EMILIN1: variants seen among roughly 807,000 people sequenced by gnomAD.
EMILIN1 encodes elastin microfibril interfacer 1, also known as EMILIN-1.
Under a neutral mutation model 82.4 loss-of-function variants are expected in EMILIN1, and 49 were observed. The observed-to-expected ratio is 0.59, with a 90% CI of 0.47 to 0.75. EMILIN1 has a LOEUF of 0.75. Among genes scored for constraint, EMILIN1 ranks in the 30% least tolerant of loss-of-function variants. The pLI is 0.00. For missense variants in EMILIN1, 1,313 were observed against 1,366.4 expected (o/e 0.96, Z 0.62); for synonymous variants, 604 against 602.2 (o/e 1.00, Z -0.04).
intron 4 of EMILIN1, 107 bp downstream of exon 4, chr2:27,084,118 C>G (rs1397125747): frequency 1.6e-6 from 2 of 1,225,974 alleles, no homozygotes; most frequent in Non-Finnish European, 2.2e-6. Flanking sequence ...CTTTTCCCAA[C>G]ATGAATTGCA....
In EMILIN1 at chr2:27,082,839, A is replaced by T. The variant is rs777280595; in HGVS notation, c.1268A>T (p.Glu423Val). The change falls in exon 4 of 8, where the codon GAG becomes GTG. Residue 423 changes from glutamate to valine, a missense_variant. Transcript: ENST00000380320. ...AACTCCACCCTGGGCCCTTCGGAGG[A>T]GCAGGAGGAGAGCTGGCCTGGGGCT... ...RFNSTLGPSE[E>V]QEESWPGAPG... 1 of 1,575,110 alleles carries T rather than the reference A, an allele frequency of 6.3e-7. No homozygotes were observed. Among genetic ancestry groups the T allele is most frequent in the Admixed American group, 1.8e-5 (1 of 54,952 alleles).
At chr2:27,085,420 C>T in intron 7 of EMILIN1, 123 bp downstream of exon 7, 1 of 1,241,446 alleles carries the variant, frequency 8.1e-7, no homozygotes, top group Non-Finnish European at 1.1e-6. Flanking sequence ...GAGACCCCGG[C>T]TCTTTCTTCA....
intron 3 of EMILIN1, 71 bp downstream of exon 3, chr2:27,081,023 C>A (rs993774566): frequency 4.8e-6 from 6 of 1,239,644 alleles, no homozygotes; most frequent in African/African-American, 4.5e-5. Context: ...AATGTGGGGC[C>A]AGGCTGCTGG....
Position 27,082,733 on chromosome 2 carries a change from G to T in EMILIN1, c.1162G>T (p.Gly388Ter). Residue 388 changes from glycine to a stop codon, truncating the protein, a stop_gained, in exon 4 of 8, where the codon GGA becomes TGA. Transcript: ENST00000380320. LOFTEE classifies it high-confidence loss of function. ...VLSGRRGTEL[G>*]GAAGQGGHPP... Reference sequence around the variant, plus strand: ...GAGTGGGCGGCGAGGCACAGAGCTGGGAGGAGCCGCGGGGCAGGGAGGCCA... The same window carrying T: ...GAGTGGGCGGCGAGGCACAGAGCTGTGAGGAGCCGCGGGGCAGGGAGGCCA... 1 of 1,546,206 alleles carries T rather than the reference G, an allele frequency of 6.5e-7. No individual in the cohort carries two copies. The highest frequency in any genetic ancestry group is 2.4e-5 in the East Asian group (1 of 41,750).
Position 27,086,166 on chromosome 2 carries a change from C to T in EMILIN1, c.*151C>T, listed in dbSNP as rs1669631267. 6.0e-6 allele frequency: 3 copies of T among 497,710 alleles called. No homozygotes were observed. The Admixed American group carries it at 1.3e-4, about 22-fold the overall frequency. 30.8% of individuals were successfully genotyped at this position (497,710 alleles called of 1,614,324 possible). ...CCGCGCCCAGAGCGGCCTCTCCCCA[C>T]GCCCGGGGCGCGCCGGCTCAGGGAG... is the stretch of plus-strand genomic sequence containing the variant. On this transcript the variant is annotated 3_prime_UTR_variant, in exon 8 of 8. Coordinates refer to ENST00000380320, the MANE Select transcript of EMILIN1 (RefSeq NM_007046.4).
Position 27,084,978 on chromosome 2 carries a change from C to T in EMILIN1, c.2558-13C>T. 6.2e-7 allele frequency: 1 copy of T among 1,613,316 alleles called. No homozygotes were observed. The highest frequency in any genetic ancestry group is 8.5e-7 in the Non-Finnish European group (1 of 1,179,220). ...TGCTTTATTTCTCACTGCTCCCTTT[C>T]CTCTTCTCACAGGTCCTCAAGGTGA... On this transcript the variant is annotated splice_polypyrimidine_tract_variant and intron_variant, in intron 5 of 7. Transcript: ENST00000380320.
rs754464469 is a variant in EMILIN1 at position 27,078,886 on chromosome 2, G to A, written c.-180G>A. 1.9e-6 allele frequency: 1 copy of A among 519,274 alleles called. No homozygotes were observed. Among genetic ancestry groups the A allele is most frequent in the Non-Finnish European group, 3.4e-6 (1 of 296,262 alleles). The allele number at this position is 519,274 out of a possible 1,614,324, so 32.2% of individuals were successfully genotyped here. A position where few individuals can be genotyped will look rare whatever the true frequency, so the allele number is the denominator to read the frequency against. ...CAGGAGCTGAGGAGGAAAGAGGAGG[G>A]GAGAGGGGTCAGGCCAGGCAGCCAA... On this transcript the variant is annotated 5_prime_UTR_variant, in exon 1 of 8. Coordinates refer to ENST00000380320, the MANE Select transcript of EMILIN1 (RefSeq NM_007046.4).
At position 27,083,662 on chromosome 2, in the gene EMILIN1, A is replaced by G. The variant is rs140879425; in HGVS notation, c.2091A>G (p.Thr697=). ...SEINRLQQEA[T]EHATESEERF... is the part of the protein sequence containing the mutation. Reference sequence around the variant, plus strand: ...TTAACAGGCTGCAGCAGGAGGCCACAGAGCATGCTACAGAGAGTGAAGAGC... The same window carrying G: ...TTAACAGGCTGCAGCAGGAGGCCACGGAGCATGCTACAGAGAGTGAAGAGC... Residue 697 remains threonine, a synonymous_variant, in exon 4 of 8, where the codon ACA becomes ACG. Transcript: ENST00000380320. The G allele has an allele frequency of 5.6e-6, 9 of 1,612,800 alleles. No homozygotes were observed. In the African/African-American group the frequency reaches 1.1e-4, roughly 19 times the overall value.
Position 27,079,096 on chromosome 2 carries a change from C to T in EMILIN1, c.31C>T (p.Leu11Phe). 8 of 1,605,906 alleles carry T rather than the reference C, an allele frequency of 5.0e-6. No individual in the cohort carries two copies. The highest frequency in any genetic ancestry group is 5.9e-6 in the Non-Finnish European group (7 of 1,176,782). MAPRTLWSCYLCCLLTAAAGA... is the reference protein window; with the variant it reads MAPRTLWSCYFCCLLTAAAGA... ...CCCCCGCACCCTCTGGAGCTGCTAC[C>T]TCTGCTGCCTGCTGACGGCAGCTGC... Residue 11 changes from leucine (L) to phenylalanine (F), a missense_variant, in exon 1 of 8, where the codon CTC (leucine) becomes TTC (phenylalanine). Physicochemically the swap from Leu to Phe is conservative, Grantham distance 22. Transcript: ENST00000380320.
Position 27,082,699 on chromosome 2 carries a change from G to C in EMILIN1, c.1128G>C (p.Val376=). 1.3e-6 allele frequency: 2 copies of C among 1,553,338 alleles called. No homozygotes were observed. The highest frequency in any genetic ancestry group is 2.3e-5 in the South Asian group (2 of 85,432). The change falls in exon 4 of 8, where the codon GTG becomes GTC. Residue 376 remains valine (V), a synonymous_variant. Transcript: ENST00000380320. ...GGCTGGATGTCGTGGCCGGCTCAGT[G>C]ACAGTGCTGAGTGGGCGGCGAGGCA... ...ERRLDVVAGS[V]TVLSGRRGTE...
At position 27,085,162 on chromosome 2, in the gene EMILIN1, G is replaced by C. The variant is rs113364468; in HGVS notation, c.2578G>C (p.Val860Leu). ...GPPGPQGEQG[V>L]EGAPAAPVPQ... is the part of the protein sequence containing the mutation. ...TAACATCCACCCTTCCCACTCAGGA[G>C]TGGAGGGGGCACCAGCAGCCCCTGT... Residue 860 changes from valine (V) to leucine (L), a missense_variant and splice_region_variant, in exon 7 of 8, where the codon GTG becomes CTG. By Grantham distance (32) the Val-to-Leu change is conservative (BLOSUM62 1). Transcript: ENST00000380320. 4.5e-5 allele frequency: 73 copies of C among 1,614,206 alleles called. 1 individual carries two copies. The African/African-American group carries it at 6.9e-4, about 15-fold the overall frequency.
intron 4 of EMILIN1, 62 bp downstream of exon 4, chr2:27,084,073 C>G (rs1669546567): frequency 7.1e-7 from 1 of 1,415,622 alleles, no homozygotes; most frequent in Non-Finnish European, 9.3e-7. Context: ...TCTCCCTCCC[C>G]CAGCCCAGCT....
chr2:27,084,833 A>C (rs1467968534), intron 5 of EMILIN1, among the ~76,000 whole-genome samples, 158 bp from the exon 6 acceptor site: 1 of 152,246 alleles, frequency 6.6e-6, no homozygotes, highest in Non-Finnish European at 1.5e-5. Context: ...GCAGTTGAAC[A>C]GAATGGACCC....
Position 27,082,199 on chromosome 2 carries a change from G to A in EMILIN1, c.628G>A (p.Val210Met), listed in dbSNP as rs181970467. ...ACTGAGCGGGCGCCTGGCAGAGGAT[G>A]TGCAGAGGGCTGTGGAGACGGCCTT... ...QGLSGRLAED[V>M]QRAVETAFNG... The change falls in exon 4 of 8, where the codon GTG (valine) becomes ATG (methionine). Residue 210 changes from valine to methionine, a missense_variant. Val to Met is a conservative substitution (Grantham distance 21). Coordinates refer to ENST00000380320, the MANE Select transcript of EMILIN1 (RefSeq NM_007046.4). 6.2e-6 allele frequency: 10 copies of A among 1,613,708 alleles called. No homozygotes were observed. In the African/African-American group the frequency reaches 9.3e-5, roughly 15 times the overall value.
At position 27,079,175 on chromosome 2, in the gene EMILIN1, G is replaced by A. The variant is rs1185247611; in HGVS notation, c.110G>A (p.Gly37Glu). The change falls in exon 1 of 8, where the codon GGG becomes GAG. Residue 37 changes from glycine to glutamate, a missense_variant. Transcript: ENST00000380320. ...TTCAGCCTCTACACAGGTTCCAGTGGGGCCCTCAGCCCCGGGGGGCCCCAG... is the reference window on the plus strand; with the variant it reads ...TTCAGCCTCTACACAGGTTCCAGTGAGGCCCTCAGCCCCGGGGGGCCCCAG... ...RGFSLYTGSS[G>E]ALSPGGPQAQ... 1.3e-6 allele frequency: 2 copies of A among 1,588,016 alleles called. No homozygotes were observed. Among genetic ancestry groups the A allele is most frequent in the African/African-American group, 2.8e-5 (2 of 72,484 alleles).
intron 5 of EMILIN1, 70 bp downstream of exon 5, chr2:27,084,601 A>G (rs763244478): frequency 2.1e-5 from 19 of 907,242 alleles, no homozygotes; most frequent in Non-Finnish European, 2.7e-5. Context: ...CCCCGCTGGC[A>G]GCCCCAGGCT....
chr2:27,085,763 G>A lies in EMILIN1; in HGVS notation c.2799G>A (p.Leu933=). The A allele has an allele frequency of 6.2e-7, 1 of 1,612,708 alleles. No individual in the cohort carries two copies. Among genetic ancestry groups the A allele is most frequent in the Non-Finnish European group, 8.5e-7 (1 of 1,179,814 alleles). Residue 933 remains leucine (L), a synonymous_variant, in exon 8 of 8, where the codon CTG becomes CTA. Coordinates refer to ENST00000380320, the MANE Select transcript of EMILIN1 (RefSeq NM_007046.4). The part of the protein sequence containing the change: ...GHRHEKVEAV[L]SRSNQGVARV... ...GGCACGAGAAAGTGGAGGCCGTGCT[G>A]TCCCGCTCCAACCAGGGCGTGGCCC...
intron 7 of EMILIN1, 22 bp from the exon 8 acceptor site, chr2:27,085,655 CT>C (rs1180908807): frequency 6.4e-7 from 1 of 1,574,718 alleles, no homozygotes; most frequent in Non-Finnish European, 8.7e-7. Flanking sequence ...CCTGGCCCCC[CT>C]GACTGCTATC....
rs760225621 is a variant in EMILIN1, at chr2:27,079,124, G to A, written c.59G>A (p.Gly20Glu). Residue 20 changes from glycine (G) to glutamate (E), a missense_variant, in exon 1 of 8, where the codon GGG becomes GAG. By Grantham distance (98) the Gly-to-Glu change is moderately conservative (BLOSUM62 -2). Transcript: ENST00000380320. ...TGCTGCCTGCTGACGGCAGCTGCAG[G>A]GGCCGCCAGCTACCCTCCTCGAGGT... is the stretch of plus-strand genomic sequence containing the variant. ...YLCCLLTAAA[G>E]AASYPPRGFS... is the part of the protein sequence containing the mutation. 43 of 1,604,598 alleles carry A rather than the reference G, an allele frequency of 2.7e-5. 1 individual carries two copies. The South Asian group carries it at 4.6e-4, about 17-fold the overall frequency.
Sources: gnomAD v4.1 joint callset for allele counts (sites outside exome capture counted in the v4.1 genomes callset) on GRCh38, gnomAD v4.1.1 for gene constraint, MANE v1.5 for transcripts, NCBI Gene and HGNC (gene_info 2026-07-23, HGNC 2026-07-21) for gene names.